The following NRXN1 variants were observed in gnomAD, a reference collection of about 807,000 sequenced individuals.
NRXN1 encodes neurexin-1.
In NRXN1, 39 loss-of-function variants were observed where a neutral mutation model predicts 150.9. The ratio of observed to expected loss-of-function variants is 0.26; its 90% CI spans 0.20 to 0.34. The LOEUF (loss-of-function observed/expected upper bound fraction) is 0.34. NRXN1 is among the 10% of genes least tolerant of loss of function. The probability of loss-of-function intolerance (pLI) is 1.00; values close to 1 mark genes in which losing one functional copy is unlikely to be tolerated. For missense variants in NRXN1, 1,815 were observed against 1,949.9 expected (o/e 0.93, Z 1.30); for synonymous variants, 924 against 757.0 (o/e 1.22, Z -3.62).
chr2:50,928,024 T>C (rs1032361003), intron 2 of NRXN1, among the ~76,000 whole-genome samples: 5 of 151,958 alleles, frequency 3.3e-5, no homozygotes, highest in African/African-American at 9.7e-5. Context: ...TTCATGACCA[T>C]AGATACAAGC....
At chr2:49,983,550 G>C (rs1309874691) in intron 21 of NRXN1, among the ~76,000 whole-genome samples, 1 of 152,056 alleles carries the variant, frequency 6.6e-6, no homozygotes, top group Non-Finnish European at 1.5e-5. Flanking sequence ...TTCAGGCTTA[G>C]ATAGCACAAT....
chr2:50,024,212 A>C (rs1398396461), intron 21 of NRXN1: 1 of 152,190 alleles, frequency 6.6e-6, no homozygotes, highest in East Asian at 1.9e-4. Flanking sequence ...GGTTTAAATA[A>C]TATGCCTGAT....
At chr2:50,416,853 C>T (rs2083575411) in intron 17 of NRXN1, among the ~76,000 whole-genome samples, 1 of 152,232 alleles carries the variant, frequency 6.6e-6, no homozygotes, top group South Asian at 2.1e-4. Flanking sequence ...TTGAGGATTA[C>T]AAGAACTACA....
intron 2 of NRXN1, among the ~76,000 whole-genome samples, chr2:50,936,085 A>T (rs1480218898): frequency 6.6e-6 from 1 of 152,178 alleles, no homozygotes; most frequent in Admixed American, 6.6e-5. Context: ...CATTTAATCT[A>T]ACATTTAATC....
chr2:50,415,164 AAAG>A (rs1026022719), intron 17 of NRXN1, among the ~76,000 whole-genome samples: 3 of 152,152 alleles, frequency 2.0e-5, no homozygotes, highest in South Asian at 2.1e-4. Flanking sequence ...AAAATTGAAA[AAAG>A]AAGATAATCA....
chr2:49,933,148 G>A (rs570870647), intron 22 of NRXN1, among the ~76,000 whole-genome samples: 15 of 152,094 alleles, frequency 9.9e-5, no homozygotes, highest in South Asian at 2.1e-4. Context: ...GCACAGTGGC[G>A]CGGTCTCAGC....
At position 50,553,045 on chromosome 2, in the gene NRXN1, G is replaced by A; in HGVS notation, c.1321-20C>T. On this transcript the variant is annotated intron_variant, in intron 8 of 22. Transcript: ENST00000401669. The stretch of plus-strand genomic sequence containing the variant: ...TACAACCTGTGGGCAGAGGATAGCA[G>A]TGAGAAACTAGCCTCCATATTTTAA... 1 of 1,525,926 alleles carries A rather than the reference G, an allele frequency of 6.6e-7. No homozygotes were observed. Among genetic ancestry groups the A allele is most frequent in the South Asian group, 1.2e-5 (1 of 83,544 alleles). 94.5% of individuals were successfully genotyped at this position (1,525,926 alleles called of 1,614,324 possible).
intron 2 of NRXN1, among the ~76,000 whole-genome samples, chr2:50,946,849 C>A (rs1028176076): frequency 2.6e-5 from 4 of 152,136 alleles, no homozygotes; most frequent in Non-Finnish European, 5.9e-5. Context: ...GCTGAAGGCA[C>A]TAAAAGCTAT....
chr2:49,928,995 T>G (rs1231075586), intron 22 of NRXN1, among the ~76,000 whole-genome samples: 2 of 152,142 alleles, frequency 1.3e-5, no homozygotes, highest in Admixed American at 6.5e-5. Flanking sequence ...TCAATAAACC[T>G]TTGCTACCTG....
intron 21 of NRXN1, among the ~76,000 whole-genome samples, chr2:49,991,786 A>G (rs946084018): frequency 5.3e-5 from 8 of 152,222 alleles, no homozygotes; most frequent in Non-Finnish European, 8.8e-5. Flanking sequence ...ATGGCTAACA[A>G]AATATTGAAG....
intron 17 of NRXN1, among the ~76,000 whole-genome samples, chr2:50,424,265 G>A (rs1358539520): frequency 3.2e-4 from 34 of 105,352 alleles, no homozygotes; most frequent in African/African-American, 1.1e-3. Context: ...AGGAAGAGGA[G>A]GACAGGGGAA....
chr2:50,619,018 T>A (rs1485892070), intron 8 of NRXN1: 48 of 152,188 alleles, frequency 3.2e-4, no homozygotes, highest in Admixed American at 3.1e-3. Flanking sequence ...GGGCAACAAA[T>A]CAACCAGTAT....
intron 5 of NRXN1, among the ~76,000 whole-genome samples, chr2:50,849,209 C>T (rs561248391): frequency 6.6e-6 from 1 of 152,302 alleles, no homozygotes; most frequent in East Asian, 1.9e-4. Flanking sequence ...TTAACCTTCC[C>T]TTCAACTTGA....
chr2:50,317,604 G>A (rs1339811383), intron 17 of NRXN1, among the ~76,000 whole-genome samples: 1 of 151,762 alleles, frequency 6.6e-6, no homozygotes, highest in Non-Finnish European at 1.5e-5. Flanking sequence ...AGACCTTCAC[G>A]AATGAAACAT....
At chr2:50,008,915 T>C (rs969868032) in intron 21 of NRXN1, among the ~76,000 whole-genome samples, 27 of 152,236 alleles carry the variant, frequency 1.8e-4, no homozygotes, top group African/African-American at 6.3e-4. Context: ...GTGTTATCAA[T>C]GTTAATTACA....
At chr2:50,491,164 T>A (rs571709706) in intron 15 of NRXN1, among the ~76,000 whole-genome samples, 3 of 152,256 alleles carry the variant, frequency 2.0e-5, no homozygotes, top group Admixed American at 6.5e-5. Context: ...GTACAAAGCC[T>A]GGGCATGTTT....
intron 17 of NRXN1, among the ~76,000 whole-genome samples, chr2:50,290,885 G>C (rs1395068723): frequency 6.6e-6 from 1 of 152,114 alleles, no homozygotes; most frequent in Admixed American, 6.6e-5. Flanking sequence ...TGAATAATGA[G>C]AGCTTTCGTC....
chr2:50,013,048 C>T (rs1685970362), intron 21 of NRXN1, among the ~76,000 whole-genome samples: 1 of 152,046 alleles, frequency 6.6e-6, no homozygotes, highest in East Asian at 1.9e-4. Flanking sequence ...TTGTTCATCA[C>T]CACTACCTCC....
chr2:50,221,145 A>G (rs996896258), intron 18 of NRXN1, among the ~76,000 whole-genome samples: 2 of 151,344 alleles, frequency 1.3e-5, no homozygotes, highest in African/African-American at 4.9e-5. Context: ...TTAGAATCTC[A>G]TGGGCTGTGT....
Sources: gnomAD v4.1 joint callset for allele counts (sites outside exome capture counted in the v4.1 genomes callset) on GRCh38, gnomAD v4.1.1 for gene constraint, MANE v1.5 for transcripts, NCBI Gene and HGNC (gene_info 2026-07-23, HGNC 2026-07-21) for gene names.